C17orf107: variants seen among roughly 807,000 people sequenced by gnomAD.
The protein encoded by C17orf107 is uncharacterized protein C17orf107.
Under a neutral mutation model 8.9 loss-of-function variants are expected in C17orf107, and 9 were observed. The ratio of observed to expected loss-of-function variants is 1.02; its 90% CI spans 0.61 to 1.77. The LOEUF (loss-of-function observed/expected upper bound fraction) is 1.77. Ranked by LOEUF, C17orf107 falls within the 40% of genes most tolerant of loss-of-function variation. C17orf107 has a pLI of 0.00. For synonymous variants in C17orf107, 139 were observed against 120.3 expected (o/e 1.16, Z -1.02); for missense variants, 281 against 249.0 (o/e 1.13, Z -0.86).
In C17orf107 at chr17:4,902,432, T is replaced by A. The variant is rs1970023461; in HGVS notation, c.*1899T>A. ...TGCCCTGGACAAGACCTCACACCAT[T>A]CCCCAGATTTGACTCACGATTCCAA... On this transcript the variant is annotated 3_prime_UTR_variant, in exon 3 of 3. Transcript: ENST00000381365. The surrounding 1 kb of genome is among the most constrained non-coding windows in gnomAD (Gnocchi z 4.0). 2 of 1,614,120 alleles carry A rather than the reference T, an allele frequency of 1.2e-6. No homozygotes were observed. The highest frequency in any genetic ancestry group is 1.7e-6 in the Non-Finnish European group (2 of 1,180,028).
rs1485246918 is a variant in C17orf107 at position 4,902,347 on chromosome 17, G to T, written c.*1814G>T. The T allele has an allele frequency of 6.2e-7, 1 of 1,613,992 alleles. No homozygotes were observed. The highest frequency in any genetic ancestry group is 2.2e-5 in the East Asian group (1 of 44,876). ...CAATCCTAAGGGGTGGGGGATGGAAGGCCGCGTGCCCTGCATCTCCCACCT... is the reference window on the plus strand; with the variant it reads ...CAATCCTAAGGGGTGGGGGATGGAATGCCGCGTGCCCTGCATCTCCCACCT... On this transcript the variant is annotated 3_prime_UTR_variant, in exon 3 of 3. Transcript: ENST00000381365. This position sits in a 1 kb window ranked among gnomAD's most constrained non-coding sequence, Gnocchi z 4.0.
chr17:4,901,382 G>C lies in C17orf107; in HGVS notation c.*849G>C, dbSNP rs1367504633. Reference sequence around the variant, plus strand: ...AAGGCAGGACTAGAGTAACAATCGAGAATGATTTCAGGACAGGGGTAAGCT... The same window carrying C: ...AAGGCAGGACTAGAGTAACAATCGACAATGATTTCAGGACAGGGGTAAGCT... On this transcript the variant is annotated 3_prime_UTR_variant, in exon 3 of 3. Coordinates refer to ENST00000381365, the MANE Select transcript of C17orf107 (RefSeq NM_001145536.2). 1 of 962,948 alleles carries C rather than the reference G, an allele frequency of 1.0e-6. No homozygotes were observed. The highest frequency in any genetic ancestry group is 1.6e-6 in the Non-Finnish European group (1 of 610,964). The allele number at this position is 962,948 out of a possible 1,614,324, so 59.7% of individuals were successfully genotyped here.
chr17:4,901,471 C>T lies in C17orf107; in HGVS notation c.*938C>T. Reference sequence around the variant, plus strand: ...CCGGGGCAAGCCCACCGTGGAAGTCCCCTCTCTGGACCCCGTCTAGAAGCG... The same window carrying T: ...CCGGGGCAAGCCCACCGTGGAAGTCTCCTCTCTGGACCCCGTCTAGAAGCG... On this transcript the variant is annotated 3_prime_UTR_variant, in exon 3 of 3. Transcript: ENST00000381365. The T allele has an allele frequency of 6.5e-7, 1 of 1,539,926 alleles. No homozygotes were observed. The highest frequency in any genetic ancestry group is 1.7e-5 in the Admixed American group (1 of 59,832).
At position 4,902,239 on chromosome 17, in the gene C17orf107, G is replaced by T; in HGVS notation, c.*1706G>T. On this transcript the variant is annotated 3_prime_UTR_variant, in exon 3 of 3. Coordinates refer to ENST00000381365, the MANE Select transcript of C17orf107 (RefSeq NM_001145536.2). This position sits in a 1 kb window ranked among gnomAD's most constrained non-coding sequence, Gnocchi z 4.0. ...CACTTGTTTTCCAGCACAATCTCTG[G>T]CAGCCACACGAGTTCTGAAGGGACT... The T allele has an allele frequency of 6.2e-7, 1 of 1,614,062 alleles. No homozygotes were observed. Among genetic ancestry groups the T allele is most frequent in the Non-Finnish European group, 8.5e-7 (1 of 1,180,020 alleles).
rs764019737 is a variant in C17orf107, at chr17:4,902,174, C to T, written c.*1641C>T. 2 of 1,613,762 alleles carry T rather than the reference C, an allele frequency of 1.2e-6. No homozygotes were observed. The highest frequency in any genetic ancestry group is 1.7e-6 in the Non-Finnish European group (2 of 1,179,662). Reference sequence around the variant, plus strand: ...CCCCAACCAAGTCCAGCCCGCACCCCAGGCCGGCTTCCCTCCAGCCTGGCG... The same window carrying T: ...CCCCAACCAAGTCCAGCCCGCACCCTAGGCCGGCTTCCCTCCAGCCTGGCG... On this transcript the variant is annotated 3_prime_UTR_variant, in exon 3 of 3. Coordinates refer to ENST00000381365, the MANE Select transcript of C17orf107 (RefSeq NM_001145536.2). The surrounding 1 kb of genome is among the most constrained non-coding windows in gnomAD (Gnocchi z 4.0).
rs1037809973 is a variant in C17orf107 at position 4,902,144 on chromosome 17, C to T, written c.*1611C>T. 1.2e-6 allele frequency: 2 copies of T among 1,613,930 alleles called. No individual in the cohort carries two copies. The highest frequency in any genetic ancestry group is 1.7e-5 in the Admixed American group (1 of 60,016). ...CAGGTCTGCACCCTCTCAGAGTACC[C>T]CCTTCCCCAACCAAGTCCAGCCCGC... On this transcript the variant is annotated 3_prime_UTR_variant, in exon 3 of 3. Transcript: ENST00000381365. This position sits in a 1 kb window ranked among gnomAD's most constrained non-coding sequence, Gnocchi z 4.0.
At chr17:4,904,032 AT>A (rs1383525573), downstream of C17orf107, among the ~76,000 whole-genome samples, 1 of 150,324 alleles carries the variant, frequency 6.7e-6, no homozygotes, top group African/African-American at 2.5e-5. Context: ...TAATTTTTGT[AT>A]TTTTTAGTAG....
downstream of C17orf107, among the ~76,000 whole-genome samples, chr17:4,904,212 G>A (rs140258635): frequency 6.8e-6 from 1 of 147,756 alleles, no homozygotes; most frequent in Non-Finnish European, 1.5e-5. Context: ...TGCAGGGGGT[G>A]GGGGGACAGG....
Position 4,899,621 on chromosome 17 carries a change from C to T in C17orf107, c.-142C>T, listed in dbSNP as rs1969888085. 2 of 1,501,968 alleles carry T rather than the reference C, an allele frequency of 1.3e-6. No homozygotes were observed. Among genetic ancestry groups the T allele is most frequent in the African/African-American group, 2.8e-5 (2 of 72,412 alleles). 93.0% of individuals were successfully genotyped at this position (1,501,968 alleles called of 1,614,324 possible). A position where few individuals can be genotyped will look rare whatever the true frequency, so the allele number is the denominator to read the frequency against. On this transcript the variant is annotated 5_prime_UTR_variant, in exon 1 of 3. Coordinates refer to ENST00000381365, the MANE Select transcript of C17orf107 (RefSeq NM_001145536.2). Reference sequence around the variant, plus strand: ...AAGGCATGACATCACCGTTCCTCCTCCCAGCTACCGAAGGCGCCGCGCGCT... The same window carrying T: ...AAGGCATGACATCACCGTTCCTCCTTCCAGCTACCGAAGGCGCCGCGCGCT...
rs1970004900 is a variant in C17orf107 at position 4,901,963 on chromosome 17, A to AT, written c.*1430_*1431insT. On this transcript the variant is annotated 3_prime_UTR_variant, in exon 3 of 3. Coordinates refer to ENST00000381365, the MANE Select transcript of C17orf107 (RefSeq NM_001145536.2). ...ATAAGCGAACAGTTCTGCCAATCGA[A>AT]GGGGAAGTAGGTGACCTCCACTGCG... 6.2e-7 allele frequency: 1 copy of AT among 1,610,022 alleles called. No homozygotes were observed. The highest frequency in any genetic ancestry group is 1.7e-5 in the Admixed American group (1 of 59,916).
In C17orf107 at chr17:4,901,850, G is replaced by A. The variant is rs1052241933; in HGVS notation, c.*1317G>A. ...CCTCCAGCGCGAAGCCCCGCCCCGA[G>A]GGCGGTGCTTCCCGGTTGGCCCCGC... On this transcript the variant is annotated 3_prime_UTR_variant, in exon 3 of 3. Transcript: ENST00000381365. The A allele has an allele frequency of 6.3e-7, 1 of 1,587,030 alleles. No individual in the cohort carries two copies. The highest frequency in any genetic ancestry group is 8.6e-7 in the Non-Finnish European group (1 of 1,160,486).
In C17orf107 at chr17:4,900,150, G is replaced by A. The variant is rs1412962376; in HGVS notation, c.276+5G>A. ...TTCGGCACCACCTTGTTAGAGGTGG[G>A]GTACTGGGGGGCTTAGGATACGCGG... is the stretch of plus-strand genomic sequence containing the variant. On this transcript the variant is annotated splice_donor_5th_base_variant and intron_variant, in intron 2 of 2. Transcript: ENST00000381365. 1.3e-6 allele frequency: 2 copies of A among 1,548,448 alleles called. No individual in the cohort carries two copies. The highest frequency in any genetic ancestry group is 1.2e-5 in the South Asian group (1 of 83,958).
At chr17:4,903,460 T>A (rs1393662604), downstream of C17orf107, among the ~76,000 whole-genome samples, 1 of 152,162 alleles carries the variant, frequency 6.6e-6, no homozygotes, top group Non-Finnish European at 1.5e-5. Flanking sequence ...CATCTGGGGA[T>A]GTGACACACC....
In C17orf107 at chr17:4,900,959, G is replaced by A; in HGVS notation, c.*426G>A. ...CCCCGCCTCCCGGGAGCGAGCCCGG[G>A]TTTGGGGGTAGGTTCGGGGCCACTG... On this transcript the variant is annotated 3_prime_UTR_variant, in exon 3 of 3. Transcript: ENST00000381365. 6.2e-7 allele frequency: 1 copy of A among 1,614,018 alleles called. No individual in the cohort carries two copies. The highest frequency in any genetic ancestry group is 8.5e-7 in the Non-Finnish European group (1 of 1,179,880).
downstream of C17orf107, chr17:4,902,947 TC>T (rs1970036747): frequency 1.0e-5 from 16 of 1,605,442 alleles, no homozygotes; most frequent in South Asian, 1.7e-4. The surrounding 1 kb of genome is among the most constrained non-coding windows in gnomAD (Gnocchi z 4.0). Flanking sequence ...TTGGTCTCTG[TC>T]TTTGTCTTCC....
Position 4,899,984 on chromosome 17 carries a change from G to T in C17orf107, c.115G>T (p.Ala39Ser), listed in dbSNP as rs1039173948. The T allele has an allele frequency of 4.5e-6, 7 of 1,551,484 alleles. No homozygotes were observed. The highest frequency in any genetic ancestry group is 6.1e-6 in the Non-Finnish European group (7 of 1,146,954). ...LLSSLELSVA[A>S]AHEYLEQRFR... is the part of the protein sequence containing the mutation. Reference sequence around the variant, plus strand: ...GTCTTCCCTGGAACTCTCCGTGGCCGCAGCCCATGAATATCTGGAGCAGAG... The same window carrying T: ...GTCTTCCCTGGAACTCTCCGTGGCCTCAGCCCATGAATATCTGGAGCAGAG... The change falls in exon 2 of 3, where the codon GCA (alanine) becomes TCA (serine). Residue 39 changes from alanine (A) to serine (S), a missense_variant. Coordinates refer to ENST00000381365, the MANE Select transcript of C17orf107 (RefSeq NM_001145536.2).
Position 4,900,724 on chromosome 17 carries a change from G to C in C17orf107, c.*191G>C. On this transcript the variant is annotated 3_prime_UTR_variant, in exon 3 of 3. Coordinates refer to ENST00000381365, the MANE Select transcript of C17orf107 (RefSeq NM_001145536.2). ...GCGAGACAGCCAGAGCTTTTCCCGG[G>C]GTCTCTGGGTTTTGGCCACGCCCCC... The C allele has an allele frequency of 2.0e-6, 3 of 1,512,418 alleles. No individual in the cohort carries two copies. Among genetic ancestry groups the C allele is most frequent in the East Asian group, 2.4e-5 (1 of 41,286 alleles). The allele number at this position is 1,512,418 out of a possible 1,614,324, so 93.7% of individuals were successfully genotyped here. A position where few individuals can be genotyped will look rare whatever the true frequency, so the allele number is the denominator to read the frequency against.
intron 2 of C17orf107, 34 bp downstream of exon 2, chr17:4,900,179 T>C (rs552399327): frequency 4.4e-5 from 68 of 1,544,830 alleles, no homozygotes; most frequent in Non-Finnish European, 5.9e-5. Flanking sequence ...TACGCGGCGA[T>C]CGGGTAGCGG....
rs776877196 is a variant in C17orf107, at chr17:4,902,362, A to G, written c.*1829A>G. On this transcript the variant is annotated 3_prime_UTR_variant, in exon 3 of 3. Transcript: ENST00000381365. The surrounding 1 kb of genome is among the most constrained non-coding windows in gnomAD (Gnocchi z 4.0). ...GGGGATGGAAGGCCGCGTGCCCTGC[A>G]TCTCCCACCTGGCGCTGCCTGGGAG... 1.9e-6 allele frequency: 3 copies of G among 1,613,742 alleles called. No individual in the cohort carries two copies. Among genetic ancestry groups the G allele is most frequent in the Non-Finnish European group, 2.5e-6 (3 of 1,179,652 alleles).
Sources: allele counts gnomAD v4.1 joint callset (sites outside exome capture counted in the v4.1 genomes callset), GRCh38; gene constraint gnomAD v4.1.1; non-coding constraint Gnocchi (gnomAD v3.1); transcripts MANE v1.5; gene names NCBI Gene and HGNC (gene_info 2026-07-23, HGNC 2026-07-21).